The following CENPP variants were observed in gnomAD, a reference collection of about 807,000 sequenced individuals.
CENPP encodes centromere protein P.
In CENPP, 24 loss-of-function variants were observed where a neutral mutation model predicts 35.6. The observed-to-expected ratio is 0.67, with a 90% CI of 0.49 to 0.95. The LOEUF (loss-of-function observed/expected upper bound fraction) is 0.95. Ranked by LOEUF, CENPP falls within the 40% of genes least tolerant of loss-of-function variation. CENPP has a pLI of 0.00. For missense variants in CENPP, 332 were observed against 345.3 expected, an observed-to-expected ratio of 0.96 and a Z score of 0.31; for synonymous variants, 120 against 125.5, an observed-to-expected ratio of 0.96 and a Z score of 0.29.
intron 5 of CENPP, among the ~76,000 whole-genome samples, chr9:92,471,485 G>A (rs1341708783): frequency 6.6e-6 from 1 of 151,908 alleles, no homozygotes; most frequent in Non-Finnish European, 1.5e-5. Context: ...GTGAGCCACC[G>A]CACCCAGCCG....
chr9:92,445,831 C>T (rs574223906), intron 5 of CENPP, among the ~76,000 whole-genome samples: 2 of 150,968 alleles, frequency 1.3e-5, no homozygotes, highest in African/African-American at 2.4e-5. Flanking sequence ...TGCAGTGAGC[C>T]GAGTTACACC....
intron 5 of CENPP, among the ~76,000 whole-genome samples, chr9:92,492,588 T>A (rs1846202555): frequency 6.6e-6 from 1 of 152,170 alleles, no homozygotes; most frequent in Non-Finnish European, 1.5e-5. Flanking sequence ...AGAGGTGGTT[T>A]TGAGTATCTT....
At chr9:92,406,155 G>C (rs572061125) in intron 5 of CENPP, among the ~76,000 whole-genome samples, 1 of 152,288 alleles carries the variant, frequency 6.6e-6, no homozygotes, top group Admixed American at 6.5e-5. Flanking sequence ...TAGGCAAGGG[G>C]ATCATCACGT....
intron 5 of CENPP, among the ~76,000 whole-genome samples, chr9:92,599,944 C>T (rs1850870102): frequency 6.6e-6 from 1 of 152,210 alleles, no homozygotes; most frequent in African/African-American, 2.4e-5. Context: ...CCTGGGGGAC[C>T]AGTGGGACCC....
At chr9:92,591,244 C>T (rs1850656572) in intron 5 of CENPP, among the ~76,000 whole-genome samples, 1 of 151,920 alleles carries the variant, frequency 6.6e-6, no homozygotes, top group African/African-American at 2.4e-5. Context: ...ACGGTGAAAC[C>T]CCGCCTCTAC....
chr9:92,333,713 T>G (rs978033215), intron 2 of CENPP, among the ~76,000 whole-genome samples: 1 of 152,146 alleles, frequency 6.6e-6, no homozygotes, highest in Non-Finnish European at 1.5e-5. Flanking sequence ...TTTTTGTTCT[T>G]TTTCCTTTGT....
intron 5 of CENPP, among the ~76,000 whole-genome samples, chr9:92,407,569 AG>A (rs1411634866): frequency 6.6e-6 from 1 of 152,198 alleles, no homozygotes; most frequent in Admixed American, 6.5e-5. Flanking sequence ...CTCATGCTCA[AG>A]AGCAGGCATT....
chr9:92,565,406 T>C (rs1186674436), intron 5 of CENPP, among the ~76,000 whole-genome samples: 3 of 148,290 alleles, frequency 2.0e-5, no homozygotes, highest in Non-Finnish European at 4.4e-5. Context: ...CCACAGGCCA[T>C]GGGTTAGACA....
At chr9:92,609,265 C>T (rs1452949890) in intron 5 of CENPP, among the ~76,000 whole-genome samples, 2 of 152,220 alleles carry the variant, frequency 1.3e-5, no homozygotes, top group South Asian at 2.1e-4. Flanking sequence ...AGGGTGAGGG[C>T]CTCCCACACT....
intron 5 of CENPP, among the ~76,000 whole-genome samples, chr9:92,431,279 A>G (rs1411288713): frequency 6.6e-6 from 1 of 152,114 alleles, no homozygotes. Flanking sequence ...TTCTTTAACT[A>G]TTGAAGGCAT....
At chr9:92,609,062 G>A (rs1851161060) in intron 5 of CENPP, among the ~76,000 whole-genome samples, 1 of 152,248 alleles carries the variant, frequency 6.6e-6, no homozygotes, top group Non-Finnish European at 1.5e-5. Context: ...TCATGCAGTT[G>A]TGATTAATTT....
At chr9:92,531,667 A>G (rs1249078130) in intron 5 of CENPP, among the ~76,000 whole-genome samples, 1 of 152,114 alleles carries the variant, frequency 6.6e-6, no homozygotes, top group Non-Finnish European at 1.5e-5. Context: ...GGCATTACCA[A>G]ATGTAACCCG....
intron 5 of CENPP, among the ~76,000 whole-genome samples, chr9:92,545,247 G>A (rs1324513344): frequency 6.6e-6 from 1 of 152,136 alleles, no homozygotes; most frequent in South Asian, 2.1e-4. Flanking sequence ...GGCCGGAGCC[G>A]CTCAGGTTTA....
chr9:92,446,710 A>G (rs7850528), intron 5 of CENPP, among the ~76,000 whole-genome samples: 55,428 of 151,750 alleles, frequency 0.37, 12,441 homozygotes, highest in African/African-American at 0.63. Flanking sequence ...GAGAGGATGC[A>G]AAGATGACTA....
At chr9:92,589,231 C>T (rs1027273203) in intron 5 of CENPP, among the ~76,000 whole-genome samples, 2 of 151,688 alleles carry the variant, frequency 1.3e-5, no homozygotes, top group African/African-American at 2.4e-5. Context: ...CCCAGTGCAC[C>T]GTCACTAGGG....
chr9:92,564,749 G>T (rs1849926535), intron 5 of CENPP, among the ~76,000 whole-genome samples: 1 of 152,156 alleles, frequency 6.6e-6, no homozygotes, highest in Non-Finnish European at 1.5e-5. Context: ...TTATAACCAG[G>T]CCATCTGGCA....
intron 5 of CENPP, among the ~76,000 whole-genome samples, chr9:92,576,393 C>T (rs1850282738): frequency 6.6e-6 from 1 of 152,084 alleles, no homozygotes; most frequent in African/African-American, 2.4e-5. Context: ...GATTTTACAA[C>T]AGGAAAACAG....
chr9:92,567,369 G>C (rs950990029), intron 5 of CENPP, among the ~76,000 whole-genome samples: 1 of 104,096 alleles, frequency 9.6e-6, no homozygotes, highest in African/African-American at 2.9e-5. Context: ...AGTTACATAA[G>C]ATAGATATAT....
At chr9:92,351,545 T>G (rs1434179782) in intron 4 of CENPP, among the ~76,000 whole-genome samples, 1 of 151,930 alleles carries the variant, frequency 6.6e-6, no homozygotes, top group Admixed American at 6.6e-5. Flanking sequence ...CCTCTCCTCA[T>G]CCACCATTCT....
Sources: allele counts gnomAD v4.1 joint callset (sites outside exome capture counted in the v4.1 genomes callset), GRCh38; gene constraint gnomAD v4.1.1; transcripts MANE v1.5; gene names NCBI Gene and HGNC (gene_info 2026-07-23, HGNC 2026-07-21).